Variants in SLC11A2 observed in about 807,000 individuals in gnomAD.
SLC11A2 encodes solute carrier family 11 member 2.
A neutral mutation model predicts 68.0 loss-of-function variants in SLC11A2; 38 were observed. The observed-to-expected ratio is 0.56, with a 90% CI of 0.43 to 0.73. SLC11A2 has a LOEUF of 0.73. Ranked by LOEUF, SLC11A2 falls within the 30% of genes least tolerant of loss-of-function variation. The pLI, the probability that SLC11A2 is intolerant of heterozygous loss-of-function variation, is 0.00. For missense variants in SLC11A2, 517 were observed against 690.5 expected (o/e 0.75, Z 2.82); for synonymous variants, 242 against 250.6 (o/e 0.97, Z 0.32).
At chr12:51,009,093 C>T in intron 2 of SLC11A2, 2 of 1,310,032 alleles carry the variant, frequency 1.5e-6, no homozygotes, top group Admixed American at 2.0e-5. Flanking sequence ...GTCCTCCCCA[C>T]CTCCTATATT....
chr12:51,021,656 A>T (rs1412219501), intron 1 of SLC11A2, among the ~76,000 whole-genome samples: 1 of 151,880 alleles, frequency 6.6e-6, no homozygotes, highest in Non-Finnish European at 1.5e-5. Flanking sequence ...CACAACTTCA[A>T]CTCAACACCA....
intron 5 of SLC11A2, among the ~76,000 whole-genome samples, chr12:51,003,623 C>T (rs538120880): frequency 2.7e-5 from 4 of 149,518 alleles, no homozygotes; most frequent in Admixed American, 6.7e-5. Context: ...TAACTATTAA[C>T]GTGTATGAAG....
chr12:50,963,346 G>T, the SLC11A2 span, among the ~76,000 whole-genome samples: 1 of 142,374 alleles, frequency 7.0e-6, no homozygotes, highest in Non-Finnish European at 1.5e-5. Flanking sequence ...CTCCAGCCTG[G>T]GTGAAAGGGC....
At chr12:51,014,534 C>T (rs1943475831) in intron 1 of SLC11A2, among the ~76,000 whole-genome samples, 1 of 152,234 alleles carries the variant, frequency 6.6e-6, no homozygotes, top group South Asian at 2.1e-4. Context: ...CAACAAACTA[C>T]ATGTTTCATT....
At chr12:51,010,191 A>G (rs1374433133) in intron 2 of SLC11A2, among the ~76,000 whole-genome samples, 1 of 112,728 alleles carries the variant, frequency 8.9e-6, no homozygotes, top group Non-Finnish European at 1.9e-5. Context: ...TCCGCCTCAA[A>G]AAAAAAACCA....
downstream of SLC11A2, among the ~76,000 whole-genome samples, chr12:50,978,795 TC>T (rs1939888814): frequency 6.6e-6 from 1 of 152,122 alleles, no homozygotes; most frequent in Non-Finnish European, 1.5e-5. Context: ...GCAAAAGACT[TC>T]CTGGGCAAAA....
chr12:51,011,921 A>C (rs1454518292), intron 1 of SLC11A2, among the ~76,000 whole-genome samples: 2 of 152,156 alleles, frequency 1.3e-5, no homozygotes, highest in African/African-American at 4.8e-5. Flanking sequence ...TATGTAATTT[A>C]AGCTCATGGT....
At chr12:50,978,869 C>G (rs1939889845), downstream of SLC11A2, among the ~76,000 whole-genome samples, 1 of 152,148 alleles carries the variant, frequency 6.6e-6, no homozygotes, top group Non-Finnish European at 1.5e-5. Context: ...GCTACTAAAA[C>G]CACTGCCTCT....
chr12:51,002,638 C>CAAGAAAAAAAAA (rs1942356897), intron 5 of SLC11A2, among the ~76,000 whole-genome samples: 1 of 71,784 alleles, frequency 1.4e-5, no homozygotes, highest in African/African-American at 5.1e-5. Context: ...GACTTGGTCT[C>CAAGAAAAAAAAA]AAAAAAAAAA....
At position 50,993,591 on chromosome 12, in the gene SLC11A2, C is replaced by T. The variant is rs184435807; in HGVS notation, c.1078-662G>A. Among the ~76,000 whole-genome samples, 263 of 148,282 alleles carry T rather than the reference C, an allele frequency of 1.8e-3. 1 individual carries two copies. Among genetic ancestry groups the T allele is most frequent in the African/African-American group, 3.1e-3 (125 of 40,564 alleles). On this transcript the variant is annotated intron_variant, in intron 11 of 15. Transcript: ENST00000262052. The stretch of plus-strand genomic sequence containing the variant: ...CTGTAATCCCAGCACTTTGGGAGGC[C>T]GAGGGGGGGGTGGATCACCTGAGGT...
At chr12:50,988,549 A>T (rs1405776611) in intron 15 of SLC11A2, 114 bp from the exon 16 acceptor site, 1 of 1,514,762 alleles carries the variant, frequency 6.6e-7, no homozygotes, top group Non-Finnish European at 8.9e-7. Flanking sequence ...AGCTGTGCCC[A>T]TCTTCTACCA....
chr12:50,957,940 GTGTGT>G, the SLC11A2 span, among the ~76,000 whole-genome samples: 2 of 64,866 alleles, frequency 3.1e-5, no homozygotes, highest in Middle Eastern at 8.3e-3. Context: ...AATTGGAGGT[GTGTGT>G]GTGTGTGTGT....
the SLC11A2 span, chr12:50,961,108 C>G: frequency 1.2e-6 from 2 of 1,613,342 alleles, no homozygotes; most frequent in East Asian, 4.5e-5. Flanking sequence ...TCTAGGTAAC[C>G]CGCTTAATTT....
Position 50,987,077 on chromosome 12 carries a change from T to C in SLC11A2, c.*1248A>G. ...CAATCTCAGGCTCGGTATGTAAAAA[T>C]GTCAGAAGTGGCTGAAGTAAAAGCA... On this transcript the variant is annotated 3_prime_UTR_variant, in exon 16 of 16. Transcript: ENST00000262052. 5 of 1,286,534 alleles carry C rather than the reference T, an allele frequency of 3.9e-6. No individual in the cohort carries two copies. Among genetic ancestry groups the C allele is most frequent in the African/African-American group, 1.5e-5 (1 of 65,900 alleles). The allele number at this position is 1,286,534 out of a possible 1,614,324, so 79.7% of individuals were successfully genotyped here.
chr12:50,963,745 C>T, the SLC11A2 span, among the ~76,000 whole-genome samples: 1 of 152,160 alleles, frequency 6.6e-6, no homozygotes, highest in Non-Finnish European at 1.5e-5. Flanking sequence ...TCATTTCCAC[C>T]TTCTAAATCT....
intron 9 of SLC11A2, 69 bp from the exon 10 acceptor site, chr12:50,995,856 T>C: frequency 6.6e-7 from 1 of 1,504,136 alleles, no homozygotes; most frequent in Non-Finnish European, 9.2e-7. Flanking sequence ...ATTTCAGGAG[T>C]TTGGAGTCAG....
At chr12:50,978,736 T>A (rs1418797436), downstream of SLC11A2, among the ~76,000 whole-genome samples, 1 of 152,010 alleles carries the variant, frequency 6.6e-6, no homozygotes, top group Non-Finnish European at 1.5e-5. Flanking sequence ...AGTTTGAGGG[T>A]CATTGCATGA....
chr12:50,992,745 AAGAAG>A lies in SLC11A2; in HGVS notation c.1197+60_1197+64del, dbSNP rs2136194171. The A allele has an allele frequency of 9.8e-6, 8 of 815,850 alleles. No homozygotes were observed. In the African/African-American group the frequency reaches 1.1e-4, roughly 12 times the overall value. The allele number at this position is 815,850 out of a possible 1,614,324, so 50.5% of individuals were successfully genotyped here. On this transcript the variant is annotated intron_variant, in intron 12 of 15. Coordinates refer to ENST00000262052, the MANE Select transcript of SLC11A2 (RefSeq NM_000617.3). ...GACTCCATCTCAAAAAAAAAAAAAA[AAGAAG>A]AAGAAGAAGAAGTAACAAAAGGGTT...
At chr12:51,025,874 C>G in intron 1 of SLC11A2, 2 of 988,228 alleles carry the variant, frequency 2.0e-6, no homozygotes, top group Non-Finnish European at 2.4e-6. Flanking sequence ...GGCGGGAGGC[C>G]CCGGAGAGCA....
Sources: gnomAD v4.1 joint callset for allele counts (sites outside exome capture counted in the v4.1 genomes callset) on GRCh38, gnomAD v4.1.1 for gene constraint, MANE v1.5 for transcripts, NCBI Gene and HGNC (gene_info 2026-07-23, HGNC 2026-07-21) for gene names.